SPAG11B: variants seen among roughly 807,000 people sequenced by gnomAD.
SPAG11B encodes sperm-associated antigen 11B.
SPAG11B carries 5 observed loss-of-function variants against 8.9 expected under a neutral mutation model. The ratio of observed to expected loss-of-function variants is 0.56; its 90% confidence interval spans 0.29 to 1.19. The LOEUF is 1.19. SPAG11B is among the 50% of genes most tolerant of loss of function. SPAG11B has a pLI of 0.08. For synonymous variants in SPAG11B, 12 were observed against 53.0 expected, an observed-to-expected ratio of 0.23 and a Z score of 3.36; for missense variants, 38 against 146.4, an observed-to-expected ratio of 0.26 and a Z score of 3.82.
At chr8:7,450,069 T>C (rs1427337773), downstream of SPAG11B, among the ~76,000 whole-genome samples, 10 of 124,726 alleles carry the variant, frequency 8.0e-5, no homozygotes, top group Middle Eastern at 7.9e-3. Flanking sequence ...GAATGAATGC[T>C]GACTGATAGG....
chr8:7,450,076 T>C (rs1213588546), downstream of SPAG11B, among the ~76,000 whole-genome samples: 2 of 125,818 alleles, frequency 1.6e-5, no homozygotes, highest in Non-Finnish European at 3.4e-5. Flanking sequence ...TGCTGACTGA[T>C]AGGCATACTG....
At chr8:7,449,413 G>C (rs1195892434), downstream of SPAG11B, among the ~76,000 whole-genome samples, 1 of 146,610 alleles carries the variant, frequency 6.8e-6, no homozygotes, top group Non-Finnish European at 1.5e-5. Flanking sequence ...GTGTCTGCCA[G>C]TTCTGAGGCA....
chr8:7,458,764 T>C (rs1450498925), intron 2 of SPAG11B, among the ~76,000 whole-genome samples: 39 of 109,790 alleles, frequency 3.6e-4, no homozygotes, highest in African/African-American at 1.3e-3. Context: ...ATGAAAATTA[T>C]GGTTGAAAGA....
chr8:7,452,152 T>C (rs1585505331), intron 2 of SPAG11B: 1 of 45,442 alleles, frequency 2.2e-5, no homozygotes, highest in African/African-American at 1.2e-4. Context: ...GTGGCCCACC[T>C]GCATCCACTA....
intron 2 of SPAG11B, among the ~76,000 whole-genome samples, chr8:7,451,482 C>T (rs1449785578): frequency 2.8e-5 from 3 of 107,536 alleles, no homozygotes; most frequent in Admixed American, 1.0e-4. Flanking sequence ...ATGCTACGTA[C>T]GATGACTTTA....
chr8:7,453,876 A>G (rs1286135340), intron 2 of SPAG11B, among the ~76,000 whole-genome samples: 1 of 149,560 alleles, frequency 6.7e-6, no homozygotes, highest in African/African-American at 2.5e-5. Context: ...TTTAGGGAAA[A>G]TTGGGCACTC....
downstream of SPAG11B, among the ~76,000 whole-genome samples, chr8:7,450,229 A>G (rs1447257923): frequency 2.0e-3 from 268 of 135,994 alleles, 1 homozygote; most frequent in African/African-American, 7.1e-3. Flanking sequence ...GAAATAGCGT[A>G]AGAGTAAATG....
chr8:7,450,227 G>A (rs3915372), downstream of SPAG11B, among the ~76,000 whole-genome samples: 7 of 117,026 alleles, frequency 6.0e-5, no homozygotes, highest in African/African-American at 2.5e-4. Context: ...TTGAAATAGC[G>A]TAAGAGTAAA....
At chr8:7,448,302 C>CAAAAAAAAA (rs71221492), downstream of SPAG11B, among the ~76,000 whole-genome samples, 10 of 48,842 alleles carry the variant, frequency 2.0e-4, no homozygotes, top group East Asian at 7.4e-4. Context: ...AACAAGTGGT[C>CAAAAAAAAA]AAAAAAAAAA....
chr8:7,459,571 C>CA lies in SPAG11B; in HGVS notation c.214+3135dup, dbSNP rs1218006760. Reference sequence around the variant, plus strand: ...TCCCTATCCCAGACATAACACCTTACAATTAATTGGTAAGGAAGTCCCAAC... The same window carrying CA: ...TCCCTATCCCAGACATAACACCTTACAAATTAATTGGTAAGGAAGTCCCAAC... On this transcript the variant is annotated intron_variant, in intron 2 of 2. Coordinates refer to ENST00000398462, the MANE Select transcript of SPAG11B (RefSeq NM_058201.4). Among the ~76,000 whole-genome samples the CA allele has an allele frequency of 2.7e-5, 4 of 148,770 alleles. No homozygotes were observed. The Admixed American group carries it at 2.7e-4, about 10-fold the overall frequency.
intron 2 of SPAG11B, among the ~76,000 whole-genome samples, chr8:7,455,545 CA>C (rs1242055726): frequency 1.4e-5 from 2 of 141,852 alleles, no homozygotes; most frequent in Non-Finnish European, 3.1e-5. Flanking sequence ...AAAAGTCTGG[CA>C]GTTCCTCAGA....
At chr8:7,453,881 G>A (rs1379003767) in intron 2 of SPAG11B, among the ~76,000 whole-genome samples, 1 of 149,248 alleles carries the variant, frequency 6.7e-6, no homozygotes, top group Non-Finnish European at 1.5e-5. Context: ...GGAAAATTGG[G>A]CACTCCAAGC....
chr8:7,453,627 A>G (rs1469431246), intron 2 of SPAG11B, among the ~76,000 whole-genome samples: 2 of 150,406 alleles, frequency 1.3e-5, no homozygotes, highest in South Asian at 2.1e-4. Flanking sequence ...ACCAGTCTAC[A>G]ACAACCATAT....
intron 2 of SPAG11B, among the ~76,000 whole-genome samples, chr8:7,453,059 A>G (rs1324534383): frequency 6.9e-6 from 1 of 144,888 alleles, no homozygotes; most frequent in Non-Finnish European, 1.5e-5. Flanking sequence ...GGAAGAGGAC[A>G]TGCTCTTCTC....
rs1473794154 is a variant in SPAG11B at position 7,457,252 on chromosome 8, G to GA, written c.214+5454_214+5455insT. ...TTGCTTATAATTAAGTGATATCTTT[G>GA]TATATACATATATATGTTTATTTTT... is the stretch of plus-strand genomic sequence containing the variant. On this transcript the variant is annotated intron_variant, in intron 2 of 2. Coordinates refer to ENST00000398462, the MANE Select transcript of SPAG11B (RefSeq NM_058201.4). 7.5e-4 allele frequency among the ~76,000 whole-genome samples: 109 copies of GA among 145,566 alleles called. 3 individuals carry two copies. The highest frequency in any genetic ancestry group is 2.7e-3 in the African/African-American group (104 of 38,242).
chr8:7,448,928 A>T (rs1809967092), downstream of SPAG11B, among the ~76,000 whole-genome samples: 1 of 143,702 alleles, frequency 7.0e-6, no homozygotes, highest in African/African-American at 2.7e-5. Context: ...CCTTTGGAGA[A>T]ATTTTACATA....
At chr8:7,454,635 A>AT (rs1418577188) in intron 2 of SPAG11B, among the ~76,000 whole-genome samples, 1 of 119,758 alleles carries the variant, frequency 8.4e-6, no homozygotes, top group Non-Finnish European at 1.7e-5. Flanking sequence ...CCACGGAACT[A>AT]TTTTGTGGAT....
rs377382495 is a variant in SPAG11B, at chr8:7,453,690, T to C, written c.215-2790A>G. Among the ~76,000 whole-genome samples, 477 of 148,814 alleles carry C rather than the reference T, an allele frequency of 3.2e-3. 2 individuals carry two copies. Among genetic ancestry groups the C allele is most frequent in the Admixed American group, 5.2e-3 (77 of 14,916 alleles). ...ATTTTGAAAAAGAGACATCAAGCAG[T>C]GGTCTTGGACTTTCTGCATGGGTGA... On this transcript the variant is annotated intron_variant, in intron 2 of 2. Transcript: ENST00000398462.
chr8:7,451,710 C>T (rs200707528), intron 2 of SPAG11B, among the ~76,000 whole-genome samples: 4 of 10,582 alleles, frequency 3.8e-4, no homozygotes, highest in African/African-American at 5.6e-4. Flanking sequence ...AGCGTGGAGA[C>T]CTGGATTCTG....
Sources: allele counts gnomAD v4.1 joint callset (sites outside exome capture counted in the v4.1 genomes callset), GRCh38; gene constraint gnomAD v4.1.1; transcripts MANE v1.5; gene names NCBI Gene and HGNC (gene_info 2026-07-23, HGNC 2026-07-21).